Variants in GABRB1 observed in about 807,000 individuals in gnomAD.
GABRB1 encodes the protein gamma-aminobutyric acid receptor subunit beta-1.
In GABRB1, 17 loss-of-function variants were observed where a neutral mutation model predicts 51.6. The ratio of observed to expected loss-of-function variants is 0.33; its 90% CI spans 0.23 to 0.49. The LOEUF (loss-of-function observed/expected upper bound fraction) is 0.49, where lower values mean the gene tolerates loss of function less well. Among genes scored for constraint, GABRB1 ranks in the 20% least tolerant of loss-of-function variants. The pLI, the probability that GABRB1 is intolerant of heterozygous loss-of-function variation, is 0.99. For missense variants in GABRB1, 410 were observed against 600.6 expected, an observed-to-expected ratio of 0.68 and a Z score of 3.32; for synonymous variants, 247 against 218.9, an observed-to-expected ratio of 1.13 and a Z score of -1.14.
In GABRB1 at chr4:47,370,374, C is replaced by A. The variant is rs542660135; in HGVS notation, c.545-32944C>A. Among the ~76,000 whole-genome samples the A allele has an allele frequency of 4.6e-5, 7 of 152,074 alleles. No homozygotes were observed. The East Asian group carries it at 1.2e-3, about 25-fold the overall frequency. Reference sequence around the variant, plus strand: ...TGGTGCCAGGCACCTGTAGTCCCAGCTACTCGGGAGGCTGAAGCAGGAGAA... The same window carrying A: ...TGGTGCCAGGCACCTGTAGTCCCAGATACTCGGGAGGCTGAAGCAGGAGAA... On this transcript the variant is annotated intron_variant, in intron 5 of 8. Coordinates refer to ENST00000295454, the MANE Select transcript of GABRB1 (RefSeq NM_000812.4).
At chr4:47,166,080 C>T (rs982271713) in intron 4 of GABRB1, among the ~76,000 whole-genome samples, 2 of 151,590 alleles carry the variant, frequency 1.3e-5, no homozygotes, top group Non-Finnish European at 2.9e-5. Context: ...TCTTATTTCG[C>T]CTAGAAAAAA....
chr4:47,306,873 G>C (rs963525172), intron 4 of GABRB1, among the ~76,000 whole-genome samples: 1 of 152,030 alleles, frequency 6.6e-6, no homozygotes, highest in Non-Finnish European at 1.5e-5. Context: ...TATCCATTTA[G>C]CTTTGCTGGA....
intron 5 of GABRB1, among the ~76,000 whole-genome samples, chr4:47,382,588 G>A (rs898596060): frequency 1.3e-5 from 2 of 152,148 alleles, no homozygotes; most frequent in Non-Finnish European, 2.9e-5. Context: ...AAACTTGGAA[G>A]CATTCAGCCT....
Position 47,035,291 on chromosome 4 carries a change from TTAAG to T in GABRB1, c.240+2809_240+2812del, listed in dbSNP as rs373959137. 1.5e-3 allele frequency among the ~76,000 whole-genome samples: 221 copies of T among 152,122 alleles called. 3 individuals carry two copies. Among genetic ancestry groups the T allele is most frequent in the East Asian group, 0.012 (62 of 5,166 alleles). ...ATCTGATTTCTTAATTTGTGAAAAA[TTAAG>T]TGTTTTCTTAATTTTTCACAAATTA... On this transcript the variant is annotated intron_variant, in intron 3 of 8. Transcript: ENST00000295454.
At chr4:47,262,909 T>C (rs910796833) in intron 4 of GABRB1, among the ~76,000 whole-genome samples, 15 of 151,924 alleles carry the variant, frequency 9.9e-5, no homozygotes, top group Non-Finnish European at 1.9e-4. Flanking sequence ...TGGATGAAGC[T>C]GGAAACCATC....
chr4:47,106,107 G>T (rs1480499680), intron 3 of GABRB1, among the ~76,000 whole-genome samples: 2 of 152,028 alleles, frequency 1.3e-5, no homozygotes, highest in Non-Finnish European at 2.9e-5. Context: ...ATTTTTTGTT[G>T]CTATTCATTT....
intron 1 of GABRB1, among the ~76,000 whole-genome samples, chr4:47,000,767 T>C (rs1560491562): frequency 2.0e-5 from 3 of 152,136 alleles, no homozygotes; most frequent in African/African-American, 7.2e-5. Context: ...GATCTTGGGG[T>C]AGTAAGACTT....
intron 5 of GABRB1, among the ~76,000 whole-genome samples, chr4:47,360,918 C>A (rs572825855): frequency 6.6e-6 from 1 of 152,132 alleles, no homozygotes; most frequent in African/African-American, 2.4e-5. Flanking sequence ...ATTCTAAATG[C>A]CTTATGCATG....
chr4:47,228,294 T>C (rs1322744714), intron 4 of GABRB1, among the ~76,000 whole-genome samples: 4 of 152,116 alleles, frequency 2.6e-5, no homozygotes, highest in Non-Finnish European at 5.9e-5. Flanking sequence ...ACCAGATGAA[T>C]TATGACATTC....
chr4:47,336,680 TC>T (rs1725708529), intron 5 of GABRB1, among the ~76,000 whole-genome samples: 1 of 152,314 alleles, frequency 6.6e-6, no homozygotes, highest in East Asian at 1.9e-4. Context: ...AGGACAAATG[TC>T]CCTGATAGTG....
chr4:47,371,075 A>T (rs1727171198), intron 5 of GABRB1, among the ~76,000 whole-genome samples: 1 of 114,604 alleles, frequency 8.7e-6, no homozygotes, highest in African/African-American at 3.4e-5. Context: ...GTTCTTCCTA[A>T]TGCTCTCCCT....
chr4:47,345,073 G>A (rs1052284330), intron 5 of GABRB1, among the ~76,000 whole-genome samples: 3 of 152,026 alleles, frequency 2.0e-5, no homozygotes, highest in Non-Finnish European at 4.4e-5. Flanking sequence ...AGTGCCTGGC[G>A]AAGCATTTAT....
chr4:47,138,605 T>C (rs1187659476), intron 3 of GABRB1, among the ~76,000 whole-genome samples: 2 of 152,004 alleles, frequency 1.3e-5, no homozygotes, highest in African/African-American at 2.4e-5. Context: ...AGGAAAAAAA[T>C]GTGCTCTTCT....
intron 3 of GABRB1, among the ~76,000 whole-genome samples, chr4:47,144,555 A>C (rs1345900904): frequency 3.9e-5 from 6 of 152,008 alleles, no homozygotes; most frequent in African/African-American, 1.4e-4. Context: ...ATAATTGTAC[A>C]CCAAGTGCTG....
chr4:47,213,932 A>G (rs574019606), intron 4 of GABRB1, among the ~76,000 whole-genome samples: 2 of 151,144 alleles, frequency 1.3e-5, no homozygotes, highest in African/African-American at 4.9e-5. Context: ...TTATTTTGTG[A>G]TTCTTTTCAT....
At chr4:47,151,059 A>G (rs1717422287) in intron 3 of GABRB1, among the ~76,000 whole-genome samples, 1 of 152,026 alleles carries the variant, frequency 6.6e-6, no homozygotes, top group Non-Finnish European at 1.5e-5. Context: ...TCAAGAGACT[A>G]TTACCATTAG....
intron 3 of GABRB1, among the ~76,000 whole-genome samples, chr4:47,141,006 C>T (rs1467851503): frequency 6.6e-6 from 1 of 151,554 alleles, no homozygotes; most frequent in African/African-American, 2.4e-5. Context: ...TACCAATGGC[C>T]CTAAATTCAG....
At chr4:47,017,515 G>A (rs1291376592) in intron 1 of GABRB1, among the ~76,000 whole-genome samples, 2 of 151,978 alleles carry the variant, frequency 1.3e-5, no homozygotes, top group African/African-American at 4.8e-5. Flanking sequence ...AGCCACCAAA[G>A]GCTAAATCCA....
rs183857023 is a variant in GABRB1 at position 47,402,796 on chromosome 4, T to C, written c.545-522T>C. 7.2e-4 allele frequency among the ~76,000 whole-genome samples: 110 copies of C among 152,350 alleles called. 1 individual carries two copies. Among genetic ancestry groups the C allele is most frequent in the Admixed American group, 1.8e-3 (27 of 15,304 alleles). ...ATTAGCTATAATCAAAGGATATTAA[T>C]AAAAGCTTGCCAAATTTTCTAAAAG... is the stretch of plus-strand genomic sequence containing the variant. On this transcript the variant is annotated intron_variant, in intron 5 of 8. Transcript: ENST00000295454.
Sources: allele counts gnomAD v4.1 joint callset (sites outside exome capture counted in the v4.1 genomes callset), GRCh38; gene constraint gnomAD v4.1.1; transcripts MANE v1.5; gene names NCBI Gene and HGNC (gene_info 2026-07-23, HGNC 2026-07-21).